CACNA2D3: variants seen among roughly 807,000 people sequenced by gnomAD.
CACNA2D3 encodes the protein voltage-dependent calcium channel subunit alpha-2/delta-3.
CACNA2D3 carries 60 observed loss-of-function variants against 160.6 expected under a neutral mutation model. The ratio of observed to expected loss-of-function variants is 0.37; its 90% CI spans 0.30 to 0.46. CACNA2D3 has a LOEUF of 0.46. CACNA2D3 is among the 20% of genes least tolerant of loss of function. CACNA2D3 has a pLI of 1.00. For synonymous variants in CACNA2D3, 558 were observed against 492.9 expected, an observed-to-expected ratio of 1.13 and a Z score of -1.75; for missense variants, 1,205 against 1,365.0, an observed-to-expected ratio of 0.88 and a Z score of 1.85.
chr3:55,027,347 A>T (rs1175386988), intron 35 of CACNA2D3, among the ~76,000 whole-genome samples: 1 of 152,200 alleles, frequency 6.6e-6, no homozygotes, highest in Non-Finnish European at 1.5e-5. Context: ...TTGAGTATTT[A>T]TCAAAGTATT....
At chr3:54,880,554 C>T (rs141926630) in intron 20 of CACNA2D3, among the ~76,000 whole-genome samples, 23 of 152,284 alleles carry the variant, frequency 1.5e-4, no homozygotes, top group African/African-American at 5.5e-4. Context: ...ACTCTGAAAA[C>T]ACAAAGAGTA....
At chr3:54,163,410 C>T (rs1040570160) in intron 2 of CACNA2D3, among the ~76,000 whole-genome samples, 2 of 152,142 alleles carry the variant, frequency 1.3e-5, no homozygotes, top group Non-Finnish European at 2.9e-5. Context: ...CCCAGGACTC[C>T]GGCTGAAGGA....
chr3:55,000,508 A>G (rs1044428303), intron 31 of CACNA2D3, among the ~76,000 whole-genome samples: 27 of 152,334 alleles, frequency 1.8e-4, no homozygotes, highest in African/African-American at 5.8e-4. Context: ...ACCATGGCAC[A>G]TGTATTCCTA....
chr3:54,449,226 AGC>A (rs762301695), intron 4 of CACNA2D3, among the ~76,000 whole-genome samples: 19 of 152,198 alleles, frequency 1.2e-4, no homozygotes, highest in Non-Finnish European at 2.6e-4. Context: ...CAAGAGAGAG[AGC>A]GCTCTGGCTT....
intron 4 of CACNA2D3, among the ~76,000 whole-genome samples, chr3:54,429,371 ATTTCTTTTCTCCTTGTTTCCTTTATTTC>A (rs1425305307): frequency 6.6e-6 from 1 of 151,812 alleles, no homozygotes; most frequent in Non-Finnish European, 1.5e-5. Flanking sequence ...TTTCCTTTCC[ATTTCTTTTCTCCTTGTTTCCTTTATTTC>A]TTTCTTTCTT....
rs189005423 is a variant in CACNA2D3 at position 54,763,605 on chromosome 3, A to G, written c.1247-613A>G. 7.6e-3 allele frequency among the ~76,000 whole-genome samples: 1,133 copies of G among 149,998 alleles called. 6 individuals carry two copies. The highest frequency in any genetic ancestry group is 0.018 in the South Asian group (86 of 4,764). ...TACCAGGGAATAAACACACACACAC[A>G]GTATGTCTGTGTAAACATATACTGT... On this transcript the variant is annotated intron_variant, in intron 12 of 37. Coordinates refer to ENST00000474759, the MANE Select transcript of CACNA2D3 (RefSeq NM_018398.3).
intron 2 of CACNA2D3, among the ~76,000 whole-genome samples, chr3:54,237,463 A>G (rs1701905050): frequency 6.6e-6 from 1 of 152,166 alleles, no homozygotes; most frequent in Non-Finnish European, 1.5e-5. Flanking sequence ...TAAGCTAAGT[A>G]TCCATGAAGT....
intron 5 of CACNA2D3, among the ~76,000 whole-genome samples, chr3:54,521,512 G>C (rs916852662): frequency 1.4e-4 from 22 of 152,026 alleles, no homozygotes; most frequent in Non-Finnish European, 2.1e-4. Flanking sequence ...TTGCTTTCTG[G>C]ATGATGCTCT....
At chr3:54,707,599 T>TTTTA (rs1700881446) in intron 11 of CACNA2D3, among the ~76,000 whole-genome samples, 1 of 152,196 alleles carries the variant, frequency 6.6e-6, no homozygotes, top group African/African-American at 2.4e-5. Context: ...CTGTGGAATT[T>TTTTA]TCTTTGTAGT....
At chr3:54,326,721 C>G (rs141426160) in intron 3 of CACNA2D3, among the ~76,000 whole-genome samples, 77 of 152,292 alleles carry the variant, frequency 5.1e-4, no homozygotes, top group Middle Eastern at 6.8e-3. Flanking sequence ...GCCAGGATCA[C>G]TTTAAGTTCT....
At chr3:54,997,927 G>C (rs1702894886) in intron 31 of CACNA2D3, among the ~76,000 whole-genome samples, 1 of 152,040 alleles carries the variant, frequency 6.6e-6, no homozygotes, top group South Asian at 2.1e-4. Flanking sequence ...ATATCCCTTG[G>C]GAATTCATGT....
chr3:54,780,157 AAG>A (rs778137651), intron 13 of CACNA2D3, among the ~76,000 whole-genome samples: 20 of 152,230 alleles, frequency 1.3e-4, no homozygotes, highest in Non-Finnish European at 2.8e-4. Flanking sequence ...TGGTGGTACT[AAG>A]AGAGAGTCTA....
chr3:54,995,914 G>A (rs1260917120), intron 31 of CACNA2D3, among the ~76,000 whole-genome samples: 2 of 152,112 alleles, frequency 1.3e-5, no homozygotes, highest in South Asian at 2.1e-4. Context: ...TCTTCTCCTA[G>A]TCTTCCCTCC....
At chr3:54,836,032 C>T (rs1432405415) in intron 14 of CACNA2D3, among the ~76,000 whole-genome samples, 1 of 152,130 alleles carries the variant, frequency 6.6e-6, no homozygotes, top group East Asian at 1.9e-4. Flanking sequence ...CCAGATTTGT[C>T]TTGGGCCAAA....
intron 4 of CACNA2D3, among the ~76,000 whole-genome samples, chr3:54,417,119 T>C (rs1197983537): frequency 6.6e-6 from 1 of 152,188 alleles, no homozygotes; most frequent in African/African-American, 2.4e-5. Context: ...AGGTTCTGCC[T>C]GAATATTTGT....
intron 27 of CACNA2D3, among the ~76,000 whole-genome samples, chr3:54,933,236 A>G (rs935873745): frequency 2.6e-5 from 4 of 152,208 alleles, no homozygotes; most frequent in Non-Finnish European, 5.9e-5. Context: ...AATGCTTACA[A>G]TGGGGCACAT....
At chr3:54,855,438 C>T (rs1699147909) in intron 17 of CACNA2D3, among the ~76,000 whole-genome samples, 1 of 152,174 alleles carries the variant, frequency 6.6e-6, no homozygotes, top group Non-Finnish European at 1.5e-5. Flanking sequence ...CTAAATCCTC[C>T]TTAATTTGCC....
rs866364474 is a variant in CACNA2D3, at chr3:54,343,995, T to G, written c.321+23437T>G. Among the ~76,000 whole-genome samples the G allele has an allele frequency of 3.3e-5, 5 of 152,326 alleles. No homozygotes were observed. The Middle Eastern group carries it at 0.01, about 311-fold the overall frequency. ...TCTATTTGTAGGCATATGCTGACTT[T>G]TTGCTGATAGAAATATGCATTTTAA... On this transcript the variant is annotated intron_variant, in intron 3 of 37. Coordinates refer to ENST00000474759, the MANE Select transcript of CACNA2D3 (RefSeq NM_018398.3).
chr3:54,919,390 G>C (rs1250300521), intron 27 of CACNA2D3, among the ~76,000 whole-genome samples: 1 of 152,246 alleles, frequency 6.6e-6, no homozygotes, highest in Admixed American at 6.5e-5. Context: ...GTTCAGTGAT[G>C]CCAAATGGAG....
Sources: gnomAD v4.1 joint callset for allele counts (sites outside exome capture counted in the v4.1 genomes callset) on GRCh38, gnomAD v4.1.1 for gene constraint, MANE v1.5 for transcripts, NCBI Gene and HGNC (gene_info 2026-07-23, HGNC 2026-07-21) for gene names.